The following CAPS2 variants were observed in gnomAD, a reference collection of about 807,000 sequenced individuals.
CAPS2 encodes the protein calcyphosin-2.
CAPS2 carries 98 observed loss-of-function variants against 86.5 expected under a neutral mutation model. The ratio of observed to expected loss-of-function variants is 1.13; its 90% CI spans 0.96 to 1.34. The LOEUF (loss-of-function observed/expected upper bound fraction) is 1.34. Among genes scored for constraint, CAPS2 ranks in the 40% most tolerant of loss-of-function variants. CAPS2 has a pLI of 0.00. For missense variants in CAPS2, 729 were observed against 686.8 expected, an observed-to-expected ratio of 1.06 and a Z score of -0.69; for synonymous variants, 210 against 225.1, an observed-to-expected ratio of 0.93 and a Z score of 0.60.
intron 1 of CAPS2, among the ~76,000 whole-genome samples, chr12:75,358,707 T>C (rs2043319209): frequency 1.4e-5 from 2 of 145,662 alleles, no homozygotes; most frequent in Admixed American, 1.4e-4. Context: ...TTTTGCTTTT[T>C]TAAACCATAT....
chr12:75,308,199 A>T (rs576640572), intron 7 of CAPS2, among the ~76,000 whole-genome samples: 1 of 152,302 alleles, frequency 6.6e-6, no homozygotes, highest in African/African-American at 2.4e-5. Flanking sequence ...GCAACTTTGT[A>T]ACTTCACTTC....
rs558606793 is a variant in CAPS2, at chr12:75,299,533, A to G, written c.854+304T>C. ...TAAATAAAGCAGCTTATAAAACATT[A>G]GTTTTCAGTTTACAAAACTCTAGTA... On this transcript the variant is annotated intron_variant, in intron 9 of 16. Transcript: ENST00000393284. Among the ~76,000 whole-genome samples, 20 of 152,254 alleles carry G rather than the reference A, an allele frequency of 1.3e-4. No homozygotes were observed. In the South Asian group the frequency reaches 2.3e-3, roughly 17 times the overall value.
At chr12:75,291,585 A>AAAAG (rs1482252413) in intron 13 of CAPS2, among the ~76,000 whole-genome samples, 159 bp downstream of exon 13, 1 of 79,374 alleles carries the variant, frequency 1.3e-5, no homozygotes, top group Non-Finnish European at 2.8e-5. Context: ...ATATATATAT[A>AAAAG]TATATATATA....
chr12:75,284,212 A>G (rs2034481468), intron 15 of CAPS2, among the ~76,000 whole-genome samples: 1 of 152,176 alleles, frequency 6.6e-6, no homozygotes, highest in Non-Finnish European at 1.5e-5. Context: ...GAATTTGTCT[A>G]ATTTAAGGTT....
intron 14 of CAPS2, among the ~76,000 whole-genome samples, chr12:75,287,601 C>T (rs2035120055): frequency 6.6e-6 from 1 of 152,136 alleles, no homozygotes; most frequent in East Asian, 1.9e-4. Flanking sequence ...GTTCAGGGAG[C>T]TTCTGGGTAG....
upstream of CAPS2, among the ~76,000 whole-genome samples, chr12:75,333,208 C>T (rs763540712): frequency 5.9e-5 from 9 of 151,396 alleles, no homozygotes; most frequent in Non-Finnish European, 1.0e-4. Flanking sequence ...CTATAGACAT[C>T]TGTATCTCTC....
upstream of CAPS2, chr12:75,334,917 G>C (rs761650107): frequency 1.2e-6 from 2 of 1,609,944 alleles, no homozygotes; most frequent in Non-Finnish European, 1.7e-6. Flanking sequence ...GAAAGAACCA[G>C]GGCTGGGCTC....
chr12:75,321,617 A>G (rs1565902503), intron 4 of CAPS2, 41 bp from the exon 5 acceptor site: 15 of 1,419,626 alleles, frequency 1.1e-5, no homozygotes, highest in Non-Finnish European at 1.2e-5. Context: ...AGAAAAAAAA[A>G]GTATTAATTT....
upstream of CAPS2, among the ~76,000 whole-genome samples, chr12:75,329,276 G>T (rs2041074648): frequency 6.6e-6 from 1 of 152,176 alleles, no homozygotes; most frequent in African/African-American, 2.4e-5. Flanking sequence ...CTATGCCAAG[G>T]GTTGTCTTTG....
At chr12:75,384,386 C>T (rs2045171244) in intron 1 of CAPS2, among the ~76,000 whole-genome samples, 1 of 152,074 alleles carries the variant, frequency 6.6e-6, no homozygotes, top group African/African-American at 2.4e-5. Flanking sequence ...ACTCCACACC[C>T]ACAAACTTAA....
At chr12:75,349,377 C>T (rs1035772789) in intron 1 of CAPS2, among the ~76,000 whole-genome samples, 9 of 152,186 alleles carry the variant, frequency 5.9e-5, no homozygotes, top group African/African-American at 2.2e-4. Flanking sequence ...ACAACAACAA[C>T]AGCAAAAAAA....
At chr12:75,390,654 G>A (rs1287575548) in intron 1 of CAPS2, among the ~76,000 whole-genome samples, 1 of 152,200 alleles carries the variant, frequency 6.6e-6, no homozygotes, top group Non-Finnish European at 1.5e-5. Context: ...AATTGAATTT[G>A]TATCTGTATC....
At chr12:75,281,015 T>C (rs1201491134) in intron 16 of CAPS2, among the ~76,000 whole-genome samples, 2 of 151,902 alleles carry the variant, frequency 1.3e-5, no homozygotes, top group African/African-American at 4.8e-5. Flanking sequence ...TGTCAATAAA[T>C]ATTCCTTAAA....
At chr12:75,282,317 C>G in exon 16 of CAPS2, 1 of 1,606,782 alleles carries the variant, frequency 6.2e-7, no homozygotes, top group Non-Finnish European at 8.5e-7. Context: ...GGCACACTGC[C>G]ACTTTTGTTG....
At chr12:75,369,291 CATT>C in intron 1 of CAPS2, among the ~76,000 whole-genome samples, 1 of 151,782 alleles carries the variant, frequency 6.6e-6, no homozygotes, top group Non-Finnish European at 1.5e-5. Flanking sequence ...TCATCGCTGA[CATT>C]ATCATTTTTA....
At chr12:75,378,267 T>A (rs1377033978) in intron 1 of CAPS2, among the ~76,000 whole-genome samples, 3 of 152,202 alleles carry the variant, frequency 2.0e-5, no homozygotes, top group Admixed American at 6.5e-5. Flanking sequence ...CCCCAAGTGC[T>A]GTGATTATAG....
intron 1 of CAPS2, among the ~76,000 whole-genome samples, chr12:75,386,320 A>C (rs2045289573): frequency 6.6e-6 from 1 of 152,182 alleles, no homozygotes; most frequent in Non-Finnish European, 1.5e-5. Flanking sequence ...GATATTTGGT[A>C]ATTTATTTTA....
chr12:75,308,301 G>A (rs2038744483), intron 7 of CAPS2, among the ~76,000 whole-genome samples: 2 of 152,148 alleles, frequency 1.3e-5, no homozygotes, highest in Admixed American at 1.3e-4. Flanking sequence ...TATGTAAATA[G>A]ATAAAGTAGA....
intron 1 of CAPS2, among the ~76,000 whole-genome samples, chr12:75,373,248 A>C (rs1293367822): frequency 6.6e-6 from 1 of 152,188 alleles, no homozygotes; most frequent in East Asian, 1.9e-4. Flanking sequence ...GGGTGATGAC[A>C]GGGGTGTCTG....
Sources: gnomAD v4.1 joint callset for allele counts (sites outside exome capture counted in the v4.1 genomes callset) on GRCh38, gnomAD v4.1.1 for gene constraint, MANE v1.5 for transcripts, NCBI Gene and HGNC (gene_info 2026-07-23, HGNC 2026-07-21) for gene names.